The following ANO6 variants were observed in gnomAD, a reference collection of about 807,000 sequenced individuals.
ANO6 encodes anoctamin 6.
A neutral mutation model predicts 117.5 loss-of-function variants in ANO6; 106 were observed. The ratio of observed to expected loss-of-function variants is 0.90; its 90% CI spans 0.77 to 1.06. The LOEUF (loss-of-function observed/expected upper bound fraction) is 1.06, where lower values mean the gene tolerates loss of function less well. Ranked by LOEUF, ANO6 falls within the 50% of genes least tolerant of loss-of-function variation. The pLI is 0.00. For missense variants in ANO6, 955 were observed against 1,121.1 expected (o/e 0.85, Z 2.12); for synonymous variants, 367 against 385.1 (o/e 0.95, Z 0.55).
In ANO6 at chr12:45,429,792, T is replaced by TGAA; in HGVS notation, c.*481_*482insGAA. 1 of 996,568 alleles carries TGAA rather than the reference T, an allele frequency of 1.0e-6. No individual in the cohort carries two copies. Among genetic ancestry groups the TGAA allele is most frequent in the South Asian group, 4.4e-5 (1 of 22,774 alleles). The allele number at this position is 996,568 out of a possible 1,614,324, so 61.7% of individuals were successfully genotyped here. ...TTAATAGCTTTCATGTGATTAAAAA[T>TGAA]AGCTAACTAGACTCAAGGATTCACA... On this transcript the variant is annotated 3_prime_UTR_variant, in exon 20 of 20. Transcript: ENST00000320560.
intron 1 of ANO6, among the ~76,000 whole-genome samples, chr12:45,245,713 A>G (rs1273348252): frequency 1.3e-5 from 2 of 152,302 alleles, no homozygotes; most frequent in East Asian, 3.9e-4. Context: ...TTGAACTGCA[A>G]TAATGCACTT....
At chr12:45,395,929 CACAAG>C (rs1210610694) in intron 12 of ANO6, among the ~76,000 whole-genome samples, 1 of 152,150 alleles carries the variant, frequency 6.6e-6, no homozygotes, top group Non-Finnish European at 1.5e-5. Context: ...TGAAAACTGG[CACAAG>C]ACAAGGATGC....
Position 45,350,651 on chromosome 12 carries a change from C to T in ANO6, c.748-8C>T, listed in dbSNP as rs75816509. On this transcript the variant is annotated splice_region_variant and splice_polypyrimidine_tract_variant and intron_variant, in intron 6 of 19. Coordinates refer to ENST00000320560, the MANE Select transcript of ANO6 (RefSeq NM_001025356.3). ...TATGGTGCTTACATGTTCCCTTCTGCGTCACAGTGCAAATTCCGCCGTCAG... is the reference window on the plus strand; with the variant it reads ...TATGGTGCTTACATGTTCCCTTCTGTGTCACAGTGCAAATTCCGCCGTCAG... 2.6e-5 allele frequency: 42 copies of T among 1,607,124 alleles called. No homozygotes were observed. The highest frequency in any genetic ancestry group is 3.3e-5 in the Admixed American group (2 of 59,928).
At chr12:45,325,949 T>G (rs1360199529) in intron 2 of ANO6, among the ~76,000 whole-genome samples, 1 of 152,192 alleles carries the variant, frequency 6.6e-6, no homozygotes, top group East Asian at 1.9e-4. Context: ...TAAATGTCAT[T>G]TCAAAGTTCT....
In ANO6 at chr12:45,401,882, A is replaced by G. The variant is rs1942799227; in HGVS notation, c.1474A>G (p.Ile492Val). 5 of 1,614,086 alleles carry G rather than the reference A, an allele frequency of 3.1e-6. No individual in the cohort carries two copies. Among genetic ancestry groups the G allele is most frequent in the Admixed American group, 1.7e-5 (1 of 60,012 alleles). ...IVFSAKLPKN[I>V]NGTDPIQKYL... ...ATTTTCTGCAAAACTTCCCAAGAAC[A>G]TTAATGGAACAGACCCAATCCAGAA... The change falls in exon 13 of 20, where the codon ATT becomes GTT. Residue 492 changes from isoleucine to valine, a missense_variant. Physicochemically the swap from Ile to Val is conservative, Grantham distance 29. Coordinates refer to ENST00000320560, the MANE Select transcript of ANO6 (RefSeq NM_001025356.3).
chr12:45,231,085 C>A (rs1439743234), intron 1 of ANO6, among the ~76,000 whole-genome samples: 2 of 151,950 alleles, frequency 1.3e-5, no homozygotes, highest in East Asian at 3.9e-4. Flanking sequence ...CCAGCCTGGG[C>A]CACAAAACAA....
intron 1 of ANO6, among the ~76,000 whole-genome samples, chr12:45,299,611 G>T (rs1012975645): frequency 7.9e-5 from 12 of 152,120 alleles, no homozygotes; most frequent in Non-Finnish European, 1.5e-4. Flanking sequence ...CCAGCACTTT[G>T]GGAGGCCGAG....
intron 1 of ANO6, among the ~76,000 whole-genome samples, chr12:45,258,496 C>G (rs1937914662): frequency 1.3e-5 from 2 of 152,086 alleles, no homozygotes; most frequent in African/African-American, 4.8e-5. Flanking sequence ...TCCACGTTCC[C>G]TACCTCATTT....
intron 16 of ANO6, among the ~76,000 whole-genome samples, chr12:45,415,447 T>C (rs1943190589): frequency 2.0e-5 from 3 of 152,238 alleles, no homozygotes; most frequent in African/African-American, 4.8e-5. Context: ...TCCCTTTCCA[T>C]AGGACACACG....
chr12:45,354,680 T>G (rs1035697530), intron 7 of ANO6, among the ~76,000 whole-genome samples: 6 of 152,156 alleles, frequency 3.9e-5, no homozygotes, highest in Non-Finnish European at 8.8e-5. Flanking sequence ...GAATTGCTGA[T>G]AAGTACACAG....
At chr12:45,367,359 T>C (rs1941712217) in intron 8 of ANO6, among the ~76,000 whole-genome samples, 1 of 152,232 alleles carries the variant, frequency 6.6e-6, no homozygotes, top group Admixed American at 6.5e-5. Flanking sequence ...TGTAATCTGT[T>C]AGTAATAACA....
intron 1 of ANO6, among the ~76,000 whole-genome samples, chr12:45,251,281 C>T (rs1947897676): frequency 6.6e-6 from 1 of 152,194 alleles, no homozygotes; most frequent in Non-Finnish European, 1.5e-5. Flanking sequence ...ACTAGCAGAT[C>T]TTCAAAGTCT....
chr12:45,343,030 T>G (rs1215444944), intron 3 of ANO6, among the ~76,000 whole-genome samples: 1 of 151,996 alleles, frequency 6.6e-6, no homozygotes, highest in Non-Finnish European at 1.5e-5. Context: ...GCTGCCCTTT[T>G]CTCTGTAAGG....
intron 2 of ANO6, among the ~76,000 whole-genome samples, chr12:45,319,676 A>G (rs946484693): frequency 2.8e-4 from 42 of 152,336 alleles, no homozygotes; most frequent in African/African-American, 9.1e-4. Context: ...TGATTGGAAT[A>G]GTTTCAGAAG....
In ANO6 at chr12:45,245,283, T is replaced by C. The variant is rs1947807296; in HGVS notation, c.70+28892T>C. Among the ~76,000 whole-genome samples the C allele has an allele frequency of 2.6e-5, 4 of 152,320 alleles. No homozygotes were observed. The South Asian group carries it at 8.3e-4, about 32-fold the overall frequency. ...TCTTTTAAATTTTTGTATTATTTTC[T>C]TCTAAAGTATTAAATGTGGGAAATC... On this transcript the variant is annotated intron_variant, in intron 1 of 19. Transcript: ENST00000320560.
Position 45,231,044 on chromosome 12 carries a change from C to T in ANO6, c.70+14653C>T, listed in dbSNP as rs1225627719. ...ACTGCTTGAGCCCAGGAGGCGGAGA[C>T]TGCAGTGAACCAATATCACACCACT... On this transcript the variant is annotated intron_variant, in intron 1 of 19. Coordinates refer to ENST00000320560, the MANE Select transcript of ANO6 (RefSeq NM_001025356.3). 2.6e-5 allele frequency among the ~76,000 whole-genome samples: 4 copies of T among 152,256 alleles called. No homozygotes were observed. The East Asian group carries it at 7.7e-4, about 29-fold the overall frequency.
At chr12:45,309,793 T>G (rs908746463) in intron 2 of ANO6, among the ~76,000 whole-genome samples, 1 of 152,214 alleles carries the variant, frequency 6.6e-6, no homozygotes, top group African/African-American at 2.4e-5. Context: ...TGGTTAAGCA[T>G]TTTTTCACTT....
chr12:45,428,901 T>A (rs762793192), intron 19 of ANO6, among the ~76,000 whole-genome samples: 3 of 152,178 alleles, frequency 2.0e-5, no homozygotes, highest in African/African-American at 7.2e-5. Context: ...ACATATCACA[T>A]AGTATTATTT....
chr12:45,395,356 A>G (rs1453791168), intron 12 of ANO6, among the ~76,000 whole-genome samples: 1 of 152,252 alleles, frequency 6.6e-6, no homozygotes, highest in Non-Finnish European at 1.5e-5. Flanking sequence ...TTAATAGCCT[A>G]CCAACCAAAA....
Sources: allele counts gnomAD v4.1 joint callset (sites outside exome capture counted in the v4.1 genomes callset), GRCh38; gene constraint gnomAD v4.1.1; transcripts MANE v1.5; gene names NCBI Gene and HGNC (gene_info 2026-07-23, HGNC 2026-07-21).